FAT3: variants seen among roughly 807,000 people sequenced by gnomAD.
FAT3 encodes the protein FAT atypical cadherin 3, also known as protocadherin Fat 3.
In FAT3, 95 loss-of-function variants were observed where a neutral mutation model predicts 310.2. The ratio of observed to expected loss-of-function variants is 0.31; its 90% CI spans 0.26 to 0.36. FAT3 has a LOEUF of 0.36. FAT3 is among the 10% of genes least tolerant of loss of function. The pLI, the probability that FAT3 is intolerant of heterozygous loss-of-function variation, is 1.00. For synonymous variants in FAT3, 2,314 were observed against 2,192.9 expected, an observed-to-expected ratio of 1.06 and a Z score of -1.54; for missense variants, 5,408 against 5,715.6, an observed-to-expected ratio of 0.95 and a Z score of 1.74.
chr11:92,401,128 C>T (rs1218814847), intron 2 of FAT3, among the ~76,000 whole-genome samples: 1 of 152,148 alleles, frequency 6.6e-6, no homozygotes, highest in African/African-American at 2.4e-5. Context: ...TTACCTGGAG[C>T]AGAAACCACC....
At chr11:92,467,559 A>C (rs1010427931) in intron 2 of FAT3, among the ~76,000 whole-genome samples, 16 of 152,138 alleles carry the variant, frequency 1.1e-4, no homozygotes, top group African/African-American at 3.9e-4. Flanking sequence ...ACATAATTTA[A>C]ATAGTTTTAT....
chr11:92,435,477 T>G (rs1950907729), intron 2 of FAT3, among the ~76,000 whole-genome samples: 1 of 123,002 alleles, frequency 8.1e-6, no homozygotes, highest in African/African-American at 4.6e-5. Context: ...TATCCTTCCT[T>G]CCTTCCTTCC....
In FAT3 at chr11:92,843,935, C is replaced by A; in HGVS notation, c.10568C>A (p.Ala3523Glu). The A allele has an allele frequency of 6.3e-7, 1 of 1,591,336 alleles. No individual in the cohort carries two copies. Among genetic ancestry groups the A allele is most frequent in the Non-Finnish European group, 8.6e-7 (1 of 1,167,478 alleles). The change falls in exon 19 of 28, where the codon GCA (alanine) becomes GAA (glutamate). Residue 3523 changes from alanine (A) to glutamate (E), a missense_variant and splice_region_variant. Ala to Glu is a moderately radical substitution (Grantham distance 107). Coordinates refer to ENST00000525166, the MANE Select transcript of FAT3 (RefSeq NM_001367949.2). ...CTTTTCACCTCTTGGTTGTTTTAGG[C>A]AAAGGATTCAGGCAAACCCCAGCAA... ...ESLEYVLCVQ[A>E]KDSGKPQQVS...
intron 3 of FAT3, among the ~76,000 whole-genome samples, chr11:92,561,700 A>G (rs906174572): frequency 6.6e-6 from 1 of 152,106 alleles, no homozygotes. Context: ...ATCTTGGCTC[A>G]CTGCAGCCTC....
intron 3 of FAT3, among the ~76,000 whole-genome samples, chr11:92,543,395 T>A (rs1489732844): frequency 6.6e-6 from 1 of 152,168 alleles, no homozygotes; most frequent in African/African-American, 2.4e-5. Flanking sequence ...TTGCTCGATT[T>A]TATTTTTACA....
chr11:92,315,972 C>A (rs2134473967), intron 1 of FAT3, among the ~76,000 whole-genome samples: 1 of 151,888 alleles, frequency 6.6e-6, no homozygotes, highest in East Asian at 1.9e-4. Context: ...TTTAATAATG[C>A]ATTGATCTCA....
At chr11:92,549,696 A>C (rs1954736197) in intron 3 of FAT3, among the ~76,000 whole-genome samples, 1 of 152,174 alleles carries the variant, frequency 6.6e-6, no homozygotes, top group African/African-American at 2.4e-5. Context: ...GGCATTATAT[A>C]ATCACTCCAA....
intron 1 of FAT3, among the ~76,000 whole-genome samples, chr11:92,328,495 T>G (rs1947821589): frequency 6.6e-6 from 1 of 152,202 alleles, no homozygotes; most frequent in Non-Finnish European, 1.5e-5. Flanking sequence ...CCTCTGGGTA[T>G]TTTATTTTAT....
rs542777312 is a variant in FAT3 at position 92,719,877 on chromosome 11, C to T, written c.3669+22432C>T. ...GGAAAATATTCAAGTAAGACTGTTC[C>T]GTTGCCCTTCCCCTGTTTGGGGAAA... On this transcript the variant is annotated intron_variant, in intron 4 of 27. Transcript: ENST00000525166. Among the ~76,000 whole-genome samples, 20 of 152,104 alleles carry T rather than the reference C, an allele frequency of 1.3e-4. 1 individual carries two copies. In the South Asian group the frequency reaches 3.8e-3, roughly 29 times the overall value.
intron 1 of FAT3, among the ~76,000 whole-genome samples, chr11:92,260,216 A>AT (rs1244369753): frequency 6.6e-6 from 1 of 151,954 alleles, no homozygotes; most frequent in Non-Finnish European, 1.5e-5. Flanking sequence ...AATATTCCAG[A>AT]TTTAGCAGCT....
At chr11:92,276,895 TACTA>T (rs1290711475) in intron 1 of FAT3, among the ~76,000 whole-genome samples, 2 of 152,182 alleles carry the variant, frequency 1.3e-5, no homozygotes, top group Admixed American at 1.3e-4. Context: ...CCATTTCTAG[TACTA>T]ACTTTCTTAA....
intron 4 of FAT3, among the ~76,000 whole-genome samples, chr11:92,755,975 C>T (rs1945980086): frequency 6.6e-6 from 1 of 152,154 alleles, no homozygotes; most frequent in African/African-American, 2.4e-5. Context: ...TTACTACATT[C>T]TAGGCACTGT....
At chr11:92,514,021 A>G (rs1374767002) in intron 2 of FAT3, among the ~76,000 whole-genome samples, 1 of 152,166 alleles carries the variant, frequency 6.6e-6, no homozygotes, top group Non-Finnish European at 1.5e-5. Context: ...TATTTATCTA[A>G]TTATGAACAG....
intron 1 of FAT3, among the ~76,000 whole-genome samples, chr11:92,258,648 CTTTA>C (rs75634034): frequency 0.17 from 25,668 of 151,816 alleles, 2,292 homozygotes; most frequent in East Asian, 0.37. Flanking sequence ...AGCACTAGAA[CTTTA>C]TTTGTTAGGC....
intron 1 of FAT3, among the ~76,000 whole-genome samples, chr11:92,297,341 G>A (rs903806240): frequency 6.6e-6 from 1 of 152,022 alleles, no homozygotes; most frequent in Non-Finnish European, 1.5e-5. Context: ...GTATTAGTTA[G>A]TTTTATATCA....
At chr11:92,242,446 G>T (rs1164384307) in intron 1 of FAT3, among the ~76,000 whole-genome samples, 1 of 151,940 alleles carries the variant, frequency 6.6e-6, no homozygotes, top group Non-Finnish European at 1.5e-5. Flanking sequence ...TAAAGTAAAA[G>T]CTTAGAACCA....
intron 7 of FAT3, among the ~76,000 whole-genome samples, chr11:92,789,284 A>C (rs1353233190): frequency 6.6e-6 from 1 of 152,232 alleles, no homozygotes; most frequent in Non-Finnish European, 1.5e-5. Flanking sequence ...GATTATTATT[A>C]AAGCTGAGTG....
chr11:92,421,582 G>T (rs1028934188), intron 2 of FAT3, among the ~76,000 whole-genome samples: 1 of 152,210 alleles, frequency 6.6e-6, no homozygotes, highest in South Asian at 2.1e-4. Flanking sequence ...AACTTTTAGA[G>T]ATCTTACATT....
At chr11:92,859,430 A>G (rs1949067263) in intron 21 of FAT3, 108 bp downstream of exon 21, 2 of 1,172,342 alleles carry the variant, frequency 1.7e-6, no homozygotes, top group Non-Finnish European at 2.3e-6. Flanking sequence ...TCAGAAGACC[A>G]GAAGCAGACT....
Sources: allele counts gnomAD v4.1 joint callset (sites outside exome capture counted in the v4.1 genomes callset), GRCh38; gene constraint gnomAD v4.1.1; transcripts MANE v1.5; gene names NCBI Gene and HGNC (gene_info 2026-07-23, HGNC 2026-07-21).